DAPK2: variants seen among roughly 807,000 people sequenced by gnomAD.
DAPK2 encodes death associated protein kinase 2, also known as death-associated protein kinase 2.
A neutral mutation model predicts 44.1 loss-of-function variants in DAPK2; 35 were observed. That is an observed-to-expected ratio of 0.79 (90% CI 0.61 to 1.05). DAPK2 has a LOEUF of 1.05. DAPK2 is among the 50% of genes least tolerant of loss of function. The probability of loss-of-function intolerance (pLI) is 0.00; values close to 1 mark genes in which losing one functional copy is unlikely to be tolerated. For missense variants in DAPK2, 453 were observed against 483.2 expected, an observed-to-expected ratio of 0.94 and a Z score of 0.59; for synonymous variants, 174 against 182.6, an observed-to-expected ratio of 0.95 and a Z score of 0.38.
Position 63,912,192 on chromosome 15 carries a change from C to T in DAPK2, c.864G>A (p.Val288=), listed in dbSNP as rs1025438780. The T allele has an allele frequency of 6.2e-7, 1 of 1,614,018 alleles. No individual in the cohort carries two copies. The highest frequency in any genetic ancestry group is 8.5e-7 in the Non-Finnish European group (1 of 1,180,018). The change falls in exon 9 of 11, where the codon GTG becomes GTA. Residue 288 remains valine, a synonymous_variant. Coordinates refer to ENST00000261891, the Ensembl canonical transcript of DAPK2. This position sits in a 1 kb window ranked among gnomAD's most constrained non-coding sequence, Gnocchi z 4.4. The stretch of plus-strand genomic sequence containing the variant: ...TGCGCACCATGGCTTGCTGGTTGTC[C>T]ACCGGCTGAGAGACAAAGCAGAGCA...
intron 1 of DAPK2, among the ~76,000 whole-genome samples, chr15:64,026,046 G>C (rs2079833857): frequency 6.6e-6 from 1 of 152,138 alleles, no homozygotes; most frequent in Non-Finnish European, 1.5e-5. Context: ...CCTCGCAGGT[G>C]AAAGTTCCTG....
chr15:63,976,920 T>C (rs936939879), intron 2 of DAPK2, among the ~76,000 whole-genome samples: 6 of 152,240 alleles, frequency 3.9e-5, no homozygotes, highest in Non-Finnish European at 7.3e-5. Flanking sequence ...TACATTTCTA[T>C]TGGACAGCGC....
At chr15:64,022,577 G>A (rs1282730594) in intron 1 of DAPK2, among the ~76,000 whole-genome samples, 1 of 152,148 alleles carries the variant, frequency 6.6e-6, no homozygotes, top group Non-Finnish European at 1.5e-5. Context: ...AGCACTTTGG[G>A]AGACTGAGGC....
rs1192270288 is a variant in DAPK2 at position 63,932,164 on chromosome 15, T to TAAAA, written c.584-1710_584-1709insTTTT. ...CCTGGGTGACAGAGTGAGACCCTGTTTAAAAAAAAAAAAAAAAAAGGCTGG... is the reference window on the plus strand; with the variant it reads ...CCTGGGTGACAGAGTGAGACCCTGTTAAAATAAAAAAAAAAAAAAAAAAGGCTGG... On this transcript the variant is annotated intron_variant, in intron 4 of 10. Coordinates refer to ENST00000261891, the Ensembl canonical transcript of DAPK2. Among the ~76,000 whole-genome samples, 11 of 107,540 alleles carry TAAAA rather than the reference T, an allele frequency of 1.0e-4. 4 individuals are homozygous for TAAAA. The highest frequency in any genetic ancestry group is 2.9e-4 in the Admixed American group (3 of 10,216). 70.6% of individuals were successfully genotyped at this position (107,540 alleles called of 152,430 possible). A position where few individuals can be genotyped will look rare whatever the true frequency, so the allele number is the denominator to read the frequency against.
At chr15:63,936,271 G>T (rs183582391) in intron 4 of DAPK2, among the ~76,000 whole-genome samples, 2 of 152,260 alleles carry the variant, frequency 1.3e-5, no homozygotes, top group Admixed American at 6.5e-5. Flanking sequence ...TCAGCTTTTG[G>T]GGGTGGGACA....
At chr15:64,043,352 C>G (rs896537160), upstream of DAPK2, among the ~76,000 whole-genome samples, 4 of 152,086 alleles carry the variant, frequency 2.6e-5, no homozygotes, top group African/African-American at 7.2e-5. Flanking sequence ...TGGAAACAAC[C>G]AAATGGTTAT....
At chr15:63,977,279 GT>G (rs1187767155) in intron 2 of DAPK2, among the ~76,000 whole-genome samples, 1 of 152,206 alleles carries the variant, frequency 6.6e-6, no homozygotes, top group Non-Finnish European at 1.5e-5. Flanking sequence ...TTTTCTCAGT[GT>G]CTCATGGGTG....
chr15:64,046,052 A>T lies in DAPK2; in HGVS notation c.-7+246T>A, dbSNP rs1232155824. On this transcript the variant is annotated intron_variant, in intron 1 of 11. Coordinates refer to the DAPK2 transcript ENST00000457488. This position sits in a 1 kb window ranked among gnomAD's most constrained non-coding sequence, Gnocchi z 5.3. ...GTGCTTGGCTCTGCCCGCCGCCTCT[A>T]CCCTGTCTCCCAGGTCAAAGTGCCA... Among the ~76,000 whole-genome samples, 1 of 151,860 alleles carries T rather than the reference A, an allele frequency of 6.6e-6. No homozygotes were observed. Among genetic ancestry groups the T allele is most frequent in the Non-Finnish European group, 1.5e-5 (1 of 67,934 alleles).
At chr15:63,969,925 G>A (rs1042444028) in intron 3 of DAPK2, among the ~76,000 whole-genome samples, 2 of 152,074 alleles carry the variant, frequency 1.3e-5, no homozygotes, top group Non-Finnish European at 2.9e-5. Context: ...TCTGGGCCAG[G>A]GGCACAAGCC....
chr15:64,040,714 C>T (rs757888657), upstream of DAPK2, among the ~76,000 whole-genome samples: 10 of 151,938 alleles, frequency 6.6e-5, no homozygotes, highest in Non-Finnish European at 1.5e-4. Context: ...AGTTCGAGAC[C>T]AGCCTGGCCA....
chr15:63,976,554 A>G (rs901865430), intron 2 of DAPK2, among the ~76,000 whole-genome samples: 3 of 151,830 alleles, frequency 2.0e-5, no homozygotes, highest in African/African-American at 7.3e-5. Flanking sequence ...CACTGTCTCT[A>G]CAAAAAAAAA....
Position 63,939,480 on chromosome 15 carries a change from T to G in DAPK2, c.454-119A>C. On this transcript the variant is annotated intron_variant, in intron 3 of 10. Coordinates refer to ENST00000261891, the Ensembl canonical transcript of DAPK2. This position sits in a 1 kb window ranked among gnomAD's most constrained non-coding sequence, Gnocchi z 4.3. ...GGGTTTGGGGTGGGACTTGGTGTTC[T>G]TTTTAGGAGACTGAAACAGCATAAA... The G allele has an allele frequency of 2.2e-6, 2 of 908,212 alleles. No homozygotes were observed. The highest frequency in any genetic ancestry group is 3.5e-5 in the South Asian group (2 of 57,816). The allele number at this position is 908,212 out of a possible 1,614,324, so 56.3% of individuals were successfully genotyped here. A position where few individuals can be genotyped will look rare whatever the true frequency, so the allele number is the denominator to read the frequency against.
intron 4 of DAPK2, chr15:63,935,492 T>C (rs1267074534): frequency 1.3e-5 from 2 of 152,212 alleles, no homozygotes; most frequent in Admixed American, 6.5e-5. Flanking sequence ...CTGGCTTCCA[T>C]TGTTGTTTTG....
intron 2 of DAPK2, among the ~76,000 whole-genome samples, chr15:63,979,839 C>T (rs1019926127): frequency 1.3e-5 from 2 of 151,996 alleles, no homozygotes; most frequent in East Asian, 3.9e-4. Context: ...CACTGGAACC[C>T]GGGAGGTAGA....
intron 6 of DAPK2, 87 bp from the exon 8 acceptor site, chr15:63,926,180 T>C (rs1172433551): frequency 8.2e-6 from 12 of 1,465,670 alleles, no homozygotes; most frequent in African/African-American, 1.4e-5. Context: ...GCCCCATGAC[T>C]GCTGCAGGGA....
At position 63,912,253 on chromosome 15, in the gene DAPK2, C is replaced by T; in HGVS notation, c.859-56G>A. ...TGCTGGGCTTCAGACAGCAGCCACCCTCCTCGCCGCAGAACTCCCCACCCA... is the reference window on the plus strand; with the variant it reads ...TGCTGGGCTTCAGACAGCAGCCACCTTCCTCGCCGCAGAACTCCCCACCCA... On this transcript the variant is annotated intron_variant, in intron 8 of 10. Coordinates refer to ENST00000261891, the Ensembl canonical transcript of DAPK2. The surrounding 1 kb of genome is among the most constrained non-coding windows in gnomAD (Gnocchi z 4.4). The T allele has an allele frequency of 6.4e-7, 1 of 1,568,466 alleles. No individual in the cohort carries two copies. The highest frequency in any genetic ancestry group is 8.7e-7 in the Non-Finnish European group (1 of 1,144,936).
intron 4 of DAPK2, among the ~76,000 whole-genome samples, chr15:63,937,088 G>C (rs557883590): frequency 6.6e-6 from 1 of 152,050 alleles, no homozygotes; most frequent in African/African-American, 2.4e-5. Flanking sequence ...CTGGGTCTGA[G>C]GTTAGAATAT....
chr15:64,018,755 T>A lies in DAPK2; in HGVS notation c.92+21415A>T, dbSNP rs116117681. ...TGCCTCTTACTCCAAAGGTCCTCAG[T>A]CCTGGATGGAGACGCATGTACCTTA... On this transcript the variant is annotated intron_variant, in intron 1 of 10. Transcript: ENST00000261891. Among the ~76,000 whole-genome samples the A allele has an allele frequency of 4.1e-3, 631 of 152,320 alleles. 3 individuals carry two copies. The highest frequency in any genetic ancestry group is 0.014 in the African/African-American group (579 of 41,556).
At chr15:63,936,322 G>A (rs763199876) in intron 4 of DAPK2, among the ~76,000 whole-genome samples, 4 of 152,112 alleles carry the variant, frequency 2.6e-5, no homozygotes, top group Non-Finnish European at 5.9e-5. Flanking sequence ...GATTTCTCTG[G>A]CCAGGAGCGG....
Sources: allele counts gnomAD v4.1 joint callset (sites outside exome capture counted in the v4.1 genomes callset), GRCh38; gene constraint gnomAD v4.1.1; non-coding constraint Gnocchi (gnomAD v3.1); transcripts MANE v1.5; gene names NCBI Gene and HGNC (gene_info 2026-07-23, HGNC 2026-07-21).